The following SPIDR variants were observed in gnomAD, a reference collection of about 807,000 sequenced individuals.
SPIDR encodes scaffold protein involved in DNA repair.
Under a neutral mutation model 104.6 loss-of-function variants are expected in SPIDR, and 93 were observed. The ratio of observed to expected loss-of-function variants is 0.89; its 90% CI spans 0.75 to 1.06. The LOEUF (loss-of-function observed/expected upper bound fraction) is 1.06, where lower values mean the gene tolerates loss of function less well. Among genes scored for constraint, SPIDR ranks in the 50% least tolerant of loss-of-function variants. The probability of loss-of-function intolerance (pLI) is 0.00; values close to 1 mark genes in which losing one functional copy is unlikely to be tolerated. For synonymous variants in SPIDR, 431 were observed against 416.9 expected (o/e 1.03, Z -0.41); for missense variants, 1,154 against 1,111.2 (o/e 1.04, Z -0.55).
At chr8:47,709,910 T>C (rs927638071) in intron 14 of SPIDR, among the ~76,000 whole-genome samples, 2 of 144,480 alleles carry the variant, frequency 1.4e-5, no homozygotes, top group African/African-American at 5.1e-5. Flanking sequence ...TTTGAGATGC[T>C]CTGTCAGTCA....
intron 5 of SPIDR, among the ~76,000 whole-genome samples, chr8:47,327,375 G>A (rs1306515522): frequency 6.7e-6 from 1 of 149,916 alleles, no homozygotes; most frequent in Non-Finnish European, 1.5e-5. Context: ...CTCATATTCA[G>A]TAGGTGGTTT....
At chr8:47,685,509 A>ATTTTTTT (rs79918303) in intron 11 of SPIDR, among the ~76,000 whole-genome samples, 1,127 of 106,864 alleles carry the variant, frequency 0.011, 52 homozygotes, top group Non-Finnish European at 0.019. Flanking sequence ...TTATTTATTT[A>ATTTTTTT]TTTATTTATT....
intron 7 of SPIDR, among the ~76,000 whole-genome samples, chr8:47,436,689 G>A (rs1554692196): frequency 6.6e-6 from 1 of 152,180 alleles, no homozygotes; most frequent in African/African-American, 2.4e-5. Context: ...TCATACCATT[G>A]TACTCCCGCC....
intron 7 of SPIDR, among the ~76,000 whole-genome samples, chr8:47,416,004 G>C (rs957177426): frequency 6.6e-5 from 10 of 152,166 alleles, no homozygotes; most frequent in Admixed American, 3.9e-4. Context: ...CCAGCACTTT[G>C]GGAGACCAAG....
intron 14 of SPIDR, among the ~76,000 whole-genome samples, chr8:47,707,688 A>C (rs747330210): frequency 6.6e-6 from 1 of 152,108 alleles, no homozygotes; most frequent in African/African-American, 2.4e-5. Flanking sequence ...ATAGGTCCCA[A>C]AGTTATTCTT....
intron 6 of SPIDR, among the ~76,000 whole-genome samples, chr8:47,406,288 G>A (rs1433716594): frequency 1.3e-5 from 2 of 152,062 alleles, no homozygotes; most frequent in South Asian, 2.1e-4. Flanking sequence ...CTGCCTAGGC[G>A]TGCATCCAGC....
At chr8:47,704,394 G>C (rs28583978) in intron 14 of SPIDR, among the ~76,000 whole-genome samples, 4,555 of 152,286 alleles carry the variant, frequency 0.03, 239 homozygotes, top group African/African-American at 0.1. Flanking sequence ...GTTATCTGCT[G>C]TCTCTGATAC....
At chr8:47,627,282 A>G (rs1233164508) in intron 10 of SPIDR, among the ~76,000 whole-genome samples, 1 of 152,150 alleles carries the variant, frequency 6.6e-6, no homozygotes, top group East Asian at 1.9e-4. Context: ...AGATATACCT[A>G]ATGCTAAATG....
At chr8:47,392,821 G>A (rs1387336189) in intron 5 of SPIDR, among the ~76,000 whole-genome samples, 2 of 152,102 alleles carry the variant, frequency 1.3e-5, no homozygotes, top group African/African-American at 4.8e-5. Flanking sequence ...CAAATTATCA[G>A]GTCTGCTGTT....
At chr8:47,660,611 G>A (rs528737696) in intron 10 of SPIDR, 5 of 683,452 alleles carry the variant, frequency 7.3e-6, no homozygotes, top group East Asian at 1.4e-4. Flanking sequence ...CTAGGGGCAG[G>A]GACCCGCTGT....
chr8:47,594,860 G>T (rs574145253), intron 8 of SPIDR, among the ~76,000 whole-genome samples: 1 of 152,184 alleles, frequency 6.6e-6, no homozygotes, highest in South Asian at 2.1e-4. Context: ...ACTGGGCATG[G>T]TGATTCATGC....
rs2154237826 is a variant in SPIDR, at chr8:47,291,100, G to T, written c.324G>T (p.Leu108Phe). The part of the protein sequence containing the change: ...DITWSSSGSD[L>F]SDEDKTLSQL... ...CATGGAGCTCCAGTGGAAGTGATTTGTCGGATGAAGATAAGACACTTTCTC... is the reference window on the plus strand; with the variant it reads ...CATGGAGCTCCAGTGGAAGTGATTTTTCGGATGAAGATAAGACACTTTCTC... The change falls in exon 4 of 20, where the codon TTG becomes TTT. Residue 108 changes from leucine (L) to phenylalanine (F), a missense_variant. By Grantham distance (22) the Leu-to-Phe change is conservative (BLOSUM62 0). Coordinates refer to ENST00000297423, the MANE Select transcript of SPIDR (RefSeq NM_001080394.4). The T allele has an allele frequency of 6.2e-7, 1 of 1,613,294 alleles. No homozygotes were observed. The highest frequency in any genetic ancestry group is 1.3e-5 in the African/African-American group (1 of 75,044).
intron 10 of SPIDR, among the ~76,000 whole-genome samples, chr8:47,672,102 C>T (rs151165261): frequency 4.8e-4 from 73 of 152,176 alleles, no homozygotes; most frequent in African/African-American, 1.5e-3. Flanking sequence ...GGACTATGGG[C>T]GTTCGCCATC....
chr8:47,570,741 A>T (rs1187439486), intron 8 of SPIDR, among the ~76,000 whole-genome samples: 1 of 152,240 alleles, frequency 6.6e-6, no homozygotes, highest in African/African-American at 2.4e-5. Flanking sequence ...TAAAATGGGC[A>T]AAGAATCTGA....
chr8:47,319,984 A>C (rs1554593528), intron 5 of SPIDR, among the ~76,000 whole-genome samples: 1 of 151,976 alleles, frequency 6.6e-6, no homozygotes, highest in Non-Finnish European at 1.5e-5. Flanking sequence ...AAATGCCCAC[A>C]AGAGAAAGCA....
At chr8:47,463,665 TATA>T (rs1554715178) in intron 8 of SPIDR, among the ~76,000 whole-genome samples, 2 of 152,156 alleles carry the variant, frequency 1.3e-5, no homozygotes, top group East Asian at 3.9e-4. Context: ...TTAAAAGAGT[TATA>T]CCCCATTTCC....
chr8:47,583,688 CAG>C (rs943800107), intron 8 of SPIDR, among the ~76,000 whole-genome samples: 2 of 152,150 alleles, frequency 1.3e-5, no homozygotes, highest in African/African-American at 4.8e-5. Context: ...ATAAAGGAAA[CAG>C]AACATGAATT....
intron 8 of SPIDR, among the ~76,000 whole-genome samples, chr8:47,572,673 A>AAAT (rs780386853): frequency 2.1e-5 from 3 of 145,874 alleles, no homozygotes; most frequent in East Asian, 2.0e-4. Flanking sequence ...AAATTAAATT[A>AAAT]AAATAAATAA....
chr8:47,661,849 C>T (rs144942472), intron 10 of SPIDR, among the ~76,000 whole-genome samples: 1 of 152,338 alleles, frequency 6.6e-6, no homozygotes, highest in East Asian at 1.9e-4. Context: ...TGTGCCTTGT[C>T]GATAGTGGCA....
Sources: gnomAD v4.1 joint callset for allele counts (sites outside exome capture counted in the v4.1 genomes callset) on GRCh38, gnomAD v4.1.1 for gene constraint, MANE v1.5 for transcripts, NCBI Gene and HGNC (gene_info 2026-07-23, HGNC 2026-07-21) for gene names.